The following SOHLH2 variants were observed in gnomAD, a reference collection of about 807,000 sequenced individuals.
SOHLH2 encodes the protein spermatogenesis and oogenesis specific basic helix-loop-helix 2.
A neutral mutation model predicts 50.4 loss-of-function variants in SOHLH2; 22 were observed. The ratio of observed to expected loss-of-function variants is 0.44; its 90% CI spans 0.31 to 0.62. The LOEUF (loss-of-function observed/expected upper bound fraction) is 0.62, where lower values mean the gene tolerates loss of function less well. Ranked by LOEUF, SOHLH2 falls within the 20% of genes least tolerant of loss-of-function variation. SOHLH2 has a pLI of 0.08. For missense variants in SOHLH2, 412 were observed against 504.4 expected (o/e 0.82, Z 1.76); for synonymous variants, 185 against 187.3 (o/e 0.99, Z 0.10).
At chr13:36,182,031 T>C in intron 6 of SOHLH2, 1 of 978,858 alleles carries the variant, frequency 1.0e-6, no homozygotes, top group Non-Finnish European at 1.2e-6. Flanking sequence ...AATTTATTAA[T>C]GTTTTAAAAA....
chr13:36,179,251 T>A (rs1887181508), intron 6 of SOHLH2, among the ~76,000 whole-genome samples: 1 of 152,256 alleles, frequency 6.6e-6, no homozygotes, highest in African/African-American at 2.4e-5. Context: ...TTTTTATAGA[T>A]GCCTTTTAAC....
In SOHLH2 at chr13:36,173,647, G is replaced by C; in HGVS notation, c.1000+45C>G. On this transcript the variant is annotated intron_variant, in intron 9 of 10. Coordinates refer to ENST00000379881, the MANE Select transcript of SOHLH2 (RefSeq NM_017826.3). ...CAGGAGCCTGGGGGTTTGCAGGGCA[G>C]GGCAGGTCCCCCTCTAAGTGGCACA... The C allele has an allele frequency of 1.9e-6, 3 of 1,608,974 alleles. No homozygotes were observed. In the South Asian group the frequency reaches 3.3e-5, roughly 18 times the overall value.
intron 2 of SOHLH2, among the ~76,000 whole-genome samples, chr13:36,195,468 C>T (rs1052763850): frequency 6.6e-6 from 1 of 152,190 alleles, no homozygotes; most frequent in African/African-American, 2.4e-5. Flanking sequence ...GAGGGCTGGG[C>T]TCTGCTCACA....
chr13:36,170,550 G>A lies in SOHLH2; in HGVS notation c.1238C>T (p.Thr413Ile). The change falls in exon 10 of 11, where the codon ACT becomes ATT. Residue 413 changes from threonine to isoleucine, a missense_variant. Physicochemically the swap from Thr to Ile is moderately conservative, Grantham distance 89 (BLOSUM62 -1). Coordinates refer to ENST00000379881, the MANE Select transcript of SOHLH2 (RefSeq NM_017826.3). ...HCTSGLGQTCTTHPNCLQQFW... is the reference protein window; with the variant it reads ...HCTSGLGQTCITHPNCLQQFW... ...ACTTACCAGACAGTTGGGATGTGTA[G>A]TGCACGTCTGGCCCAACCCAGAAGT... 2 of 1,614,072 alleles carry A rather than the reference G, an allele frequency of 1.2e-6. No homozygotes were observed. The highest frequency in any genetic ancestry group is 1.7e-6 in the Non-Finnish European group (2 of 1,179,972).
At chr13:36,203,188 TG>T (rs1243233717) in intron 1 of SOHLH2, among the ~76,000 whole-genome samples, 2 of 152,196 alleles carry the variant, frequency 1.3e-5, no homozygotes, top group Non-Finnish European at 2.9e-5. Context: ...AGATGATTTT[TG>T]TGTCAAACAT....
At chr13:36,197,019 T>C (rs1179395299) in intron 2 of SOHLH2, among the ~76,000 whole-genome samples, 1 of 152,204 alleles carries the variant, frequency 6.6e-6, no homozygotes, top group Non-Finnish European at 1.5e-5. Flanking sequence ...TTTTTGTGAA[T>C]GAATATTCCT....
intron 9 of SOHLH2, among the ~76,000 whole-genome samples, chr13:36,171,147 T>C (rs1229947570): frequency 6.6e-6 from 1 of 152,116 alleles, no homozygotes; most frequent in Non-Finnish European, 1.5e-5. Flanking sequence ...TATCATCATA[T>C]AGCTATATTC....
At chr13:36,207,520 A>G (rs1868848967) in intron 1 of SOHLH2, among the ~76,000 whole-genome samples, 1 of 152,172 alleles carries the variant, frequency 6.6e-6, no homozygotes, top group Non-Finnish European at 1.5e-5. Context: ...CCAAATATTA[A>G]CATCTTACAA....
chr13:36,210,277 C>A (rs1238414790), intron 1 of SOHLH2, among the ~76,000 whole-genome samples: 1 of 152,280 alleles, frequency 6.6e-6, no homozygotes, highest in Non-Finnish European at 1.5e-5. Context: ...ACCCTTTGGG[C>A]TACTTTCATC....
chr13:36,201,657 C>T (rs940321980), intron 2 of SOHLH2, among the ~76,000 whole-genome samples: 2 of 152,066 alleles, frequency 1.3e-5, no homozygotes, highest in Non-Finnish European at 2.9e-5. Context: ...TTTGTAGAGA[C>T]AGAGGTCTCA....
At chr13:36,175,057 C>G (rs1200177140) in intron 6 of SOHLH2, among the ~76,000 whole-genome samples, 188 bp from the exon 7 acceptor site, 1 of 152,190 alleles carries the variant, frequency 6.6e-6, no homozygotes, top group Non-Finnish European at 1.5e-5. Flanking sequence ...ATCACAGCTT[C>G]CTGGGGCACC....
intron 6 of SOHLH2, among the ~76,000 whole-genome samples, chr13:36,177,960 A>G (rs757102415): frequency 1.3e-5 from 2 of 151,862 alleles, no homozygotes; most frequent in Non-Finnish European, 2.9e-5. Flanking sequence ...ATTGCTTTCT[A>G]TGTCCTGTCT....
intron 1 of SOHLH2, among the ~76,000 whole-genome samples, chr13:36,203,688 A>G (rs949386767): frequency 3.3e-5 from 5 of 152,172 alleles, no homozygotes; most frequent in Non-Finnish European, 7.4e-5. Flanking sequence ...GATTATTCTT[A>G]ACCTTTAAAA....
chr13:36,173,687 C>A lies in SOHLH2; in HGVS notation c.1000+5G>T, dbSNP rs1887024957. 3 of 1,612,646 alleles carry A rather than the reference C, an allele frequency of 1.9e-6. No homozygotes were observed. Among genetic ancestry groups the A allele is most frequent in the Non-Finnish European group, 2.5e-6 (3 of 1,179,862 alleles). Reference sequence around the variant, plus strand: ...TAAGTGGCACAGATGCTAGGAGAAGCTCACCTCTCACAGCTTCATCCAAGG... The same window carrying A: ...TAAGTGGCACAGATGCTAGGAGAAGATCACCTCTCACAGCTTCATCCAAGG... On this transcript the variant is annotated splice_donor_5th_base_variant and intron_variant, in intron 9 of 10. Coordinates refer to ENST00000379881, the MANE Select transcript of SOHLH2 (RefSeq NM_017826.3).
intron 9 of SOHLH2, among the ~76,000 whole-genome samples, chr13:36,172,022 C>T (rs183790546): frequency 7.9e-5 from 12 of 152,244 alleles, no homozygotes; most frequent in Admixed American, 2.0e-4. Flanking sequence ...GGTTTTCAAA[C>T]GCAAAAATGT....
intron 8 of SOHLH2, among the ~76,000 whole-genome samples, chr13:36,174,176 C>T (rs1887038476): frequency 6.6e-6 from 1 of 151,988 alleles, no homozygotes; most frequent in African/African-American, 2.4e-5. Flanking sequence ...GCCATCACGT[C>T]CCTGCTGGAC....
chr13:36,211,928 T>C (rs561877791), intron 1 of SOHLH2, among the ~76,000 whole-genome samples: 24 of 152,320 alleles, frequency 1.6e-4, no homozygotes, highest in African/African-American at 4.1e-4. Context: ...CAGGGCCTCC[T>C]GCAGAGCATA....
chr13:36,180,363 G>T (rs1440342835), intron 6 of SOHLH2, among the ~76,000 whole-genome samples: 1 of 152,016 alleles, frequency 6.6e-6, no homozygotes, highest in Non-Finnish European at 1.5e-5. Flanking sequence ...TTATATTACT[G>T]ATTTTTAGGC....
intron 1 of SOHLH2, among the ~76,000 whole-genome samples, chr13:36,210,974 T>A (rs1472149258): frequency 6.6e-6 from 1 of 152,180 alleles, no homozygotes; most frequent in Non-Finnish European, 1.5e-5. Flanking sequence ...GAGCGCAGAT[T>A]GTTTGCGAAT....
Sources: gnomAD v4.1 joint callset for allele counts (sites outside exome capture counted in the v4.1 genomes callset) on GRCh38, gnomAD v4.1.1 for gene constraint, MANE v1.5 for transcripts, NCBI Gene and HGNC (gene_info 2026-07-23, HGNC 2026-07-21) for gene names.